ASXL1: variants seen among roughly 807,000 people sequenced by gnomAD.
The protein encoded by ASXL1 is ASXL transcriptional regulator 1.
Under a neutral mutation model 89.1 loss-of-function variants are expected in ASXL1, and 65 were observed. The ratio of observed to expected loss-of-function variants is 0.73; its 90% CI spans 0.60 to 0.90. The LOEUF (loss-of-function observed/expected upper bound fraction) is 0.90. Among genes scored for constraint, ASXL1 ranks in the 40% least tolerant of loss-of-function variants. The pLI is 0.00. For missense variants in ASXL1, 1,786 were observed against 1,942.9 expected (o/e 0.92, Z 1.52); for synonymous variants, 739 against 746.9 (o/e 0.99, Z 0.17).
At chr20:32,407,057 T>C (rs574207997) in intron 4 of ASXL1, among the ~76,000 whole-genome samples, 1 of 152,188 alleles carries the variant, frequency 6.6e-6, no homozygotes, top group South Asian at 2.1e-4. Flanking sequence ...AATTGAAATA[T>C]ATAGGTGGGC....
chr20:32,397,249 G>GTTTTTT (rs1480616920), intron 4 of ASXL1, among the ~76,000 whole-genome samples: 1 of 29,928 alleles, frequency 3.3e-5, no homozygotes, highest in African/African-American at 1.1e-4. Context: ...ACCATGCCTG[G>GTTTTTT]CTTTTTTTTT....
chr20:32,424,520 G>C (rs551109165), intron 4 of ASXL1, among the ~76,000 whole-genome samples: 14 of 152,300 alleles, frequency 9.2e-5, no homozygotes, highest in African/African-American at 3.1e-4. Flanking sequence ...GGGTGACAGA[G>C]CGAGACTCTT....
chr20:32,359,352 A>G, intron 1 of ASXL1: 1 of 702,466 alleles, frequency 1.4e-6, no homozygotes, highest in Non-Finnish European at 2.6e-6. Context: ...GAGGGAAGCA[A>G]GTGCTTACTC....
rs200053121 is a variant in ASXL1 at position 32,431,404 on chromosome 20, A to T, written c.802A>T (p.Ile268Phe). The change falls in exon 9 of 13, where the codon ATC becomes TTC. Residue 268 changes from isoleucine to phenylalanine, a missense_variant. Around this residue, in one of 3 missense-constraint regions of ASXL1, gnomAD observed 332 missense variants for 449.7 expected, o/e 0.74. Coordinates refer to ENST00000375687, the MANE Select transcript of ASXL1 (RefSeq NM_015338.6). ...ILVNTNLRAL[I>F]NSRTFHALPS... ...TGTCAACACCAACCTCCGTGCCCTG[A>T]TCAACTCTCGGACCTTCCATGCCTT... 1.7e-5 allele frequency: 27 copies of T among 1,614,064 alleles called. No individual in the cohort carries two copies. Among genetic ancestry groups the T allele is most frequent in the Non-Finnish European group, 2.1e-5 (25 of 1,180,028 alleles).
intron 4 of ASXL1, among the ~76,000 whole-genome samples, chr20:32,402,194 A>G (rs1452167160): frequency 1.3e-5 from 2 of 152,334 alleles, no homozygotes; most frequent in African/African-American, 2.4e-5. Flanking sequence ...GGCACACTAC[A>G]GTTTACCCAT....
rs2011957121 is a variant in ASXL1, at chr20:32,437,053, C to CAGTT, written c.4341_4342insAGTT (p.Gln1448SerfsTer9). The CAGTT allele has an allele frequency of 6.2e-7, 1 of 1,614,078 alleles. No individual in the cohort carries two copies. On this transcript the variant is annotated frameshift_variant, in exon 13 of 13. Transcript: ENST00000375687. LOFTEE classifies it high-confidence loss of function. The stretch of plus-strand genomic sequence containing the variant: ...CATTTTATGGGAAGCTTTCTAAACT[C>CAGTT]CAACTGAGTTCCACCAGCTTTAATT...
intron 4 of ASXL1, among the ~76,000 whole-genome samples, chr20:32,410,679 G>C (rs953308841): frequency 6.6e-6 from 1 of 152,002 alleles, no homozygotes; most frequent in Non-Finnish European, 1.5e-5. Flanking sequence ...ATAGTCTCAT[G>C]TACTTTCATT....
rs140029019 is a variant in ASXL1 at position 32,428,308 on chromosome 20, A to G, written c.374-17A>G. The G allele has an allele frequency of 1.5e-4, 248 of 1,614,040 alleles. 3 individuals carry two copies. The East Asian group carries it at 5.4e-3, about 35-fold the overall frequency. ...CAGCAGGCACTAGGGACTAACCTTT[A>G]TTTTCCTCTCTTCCAGTATCTCTTG... On this transcript the variant is annotated splice_polypyrimidine_tract_variant and intron_variant, in intron 5 of 12. Transcript: ENST00000375687.
intron 4 of ASXL1, among the ~76,000 whole-genome samples, chr20:32,382,119 G>T (rs1027091577): frequency 1.3e-5 from 2 of 151,770 alleles, no homozygotes; most frequent in Non-Finnish European, 2.9e-5. Flanking sequence ...ACCAGGCCTG[G>T]CTATTTTTAT....
At chr20:32,421,655 A>G (rs1468306259) in intron 4 of ASXL1, among the ~76,000 whole-genome samples, 1 of 152,216 alleles carries the variant, frequency 6.6e-6, no homozygotes, top group Non-Finnish European at 1.5e-5. Flanking sequence ...GTATATGAGA[A>G]TATTAGTCTG....
At chr20:32,399,690 G>C (rs1569282947) in intron 4 of ASXL1, among the ~76,000 whole-genome samples, 1 of 144,150 alleles carries the variant, frequency 6.9e-6, no homozygotes, top group Non-Finnish European at 1.5e-5. Flanking sequence ...TTCTTTTGCA[G>C]TGTGTAATCT....
chr20:32,368,960 T>C (rs1023701587), intron 3 of ASXL1, 55 bp from the exon 4 acceptor site: 3 of 1,479,106 alleles, frequency 2.0e-6, no homozygotes, highest in Non-Finnish European at 1.9e-6. Context: ...GGATTAGGTC[T>C]TTAAGTAGGC....
intron 4 of ASXL1, among the ~76,000 whole-genome samples, chr20:32,405,618 T>G (rs1217912919): frequency 6.6e-6 from 1 of 152,236 alleles, no homozygotes; most frequent in East Asian, 1.9e-4. Context: ...TTTGGTCTCC[T>G]TCATTCTAGA....
At chr20:32,412,127 TTCTC>T (rs1205180708) in intron 4 of ASXL1, among the ~76,000 whole-genome samples, 1 of 152,194 alleles carries the variant, frequency 6.6e-6, no homozygotes, top group African/African-American at 2.4e-5. Context: ...CTGTACCTGT[TTCTC>T]TCTTTGTCTG....
intron 4 of ASXL1, among the ~76,000 whole-genome samples, chr20:32,385,830 A>G (rs994089930): frequency 3.9e-5 from 6 of 152,196 alleles, no homozygotes; most frequent in African/African-American, 1.4e-4. Flanking sequence ...ATACTTATCC[A>G]TGGTTTCCCA....
At chr20:32,405,686 C>T (rs1451039295) in intron 4 of ASXL1, among the ~76,000 whole-genome samples, 1 of 152,072 alleles carries the variant, frequency 6.6e-6, no homozygotes, top group Non-Finnish European at 1.5e-5. Flanking sequence ...AGACTACAGA[C>T]CAGTTATTTT....
At chr20:32,373,050 T>C (rs1205502640) in intron 4 of ASXL1, among the ~76,000 whole-genome samples, 2 of 151,062 alleles carry the variant, frequency 1.3e-5, no homozygotes, top group Non-Finnish European at 3.0e-5. Flanking sequence ...GTGTTGGGTT[T>C]ACATGCATGA....
intron 4 of ASXL1, chr20:32,427,573 T>A (rs2011359080): frequency 5.7e-6 from 1 of 174,548 alleles, no homozygotes; most frequent in African/African-American, 2.4e-5. Flanking sequence ...TCCCACTATC[T>A]AGAAACTTCC....
chr20:32,393,289 T>G (rs2048704467), intron 4 of ASXL1, among the ~76,000 whole-genome samples: 1 of 152,202 alleles, frequency 6.6e-6, no homozygotes. Flanking sequence ...ATATAGCTAC[T>G]CGTGCTTTTC....
Sources: allele counts gnomAD v4.1 joint callset (sites outside exome capture counted in the v4.1 genomes callset), GRCh38; gene constraint gnomAD v4.1.1; regional missense constraint gnomAD v4.1.1; transcripts MANE v1.5; gene names NCBI Gene and HGNC (gene_info 2026-07-23, HGNC 2026-07-21).